The following FMR1 variants were observed in gnomAD, a reference collection of about 807,000 sequenced individuals.
The protein encoded by FMR1 is FMRP translational regulator 1.
FMR1 carries 13 observed loss-of-function variants against 50.6 expected under a neutral mutation model. That is an observed-to-expected ratio of 0.26 (90% CI 0.17 to 0.41). FMR1 has a LOEUF of 0.41. Among genes scored for constraint, FMR1 ranks in the 10% least tolerant of loss-of-function variants. The pLI is 1.00. For synonymous variants in FMR1, 138 were observed against 164.1 expected (o/e 0.84, Z 1.22); for missense variants, 316 against 491.3 (o/e 0.64, Z 3.37).
chrX:147,915,163 G>A (rs1285288488), intron 1 of FMR1, among the ~76,000 whole-genome samples: 3 of 111,686 alleles, frequency 2.7e-5, no homozygotes, highest in Admixed American at 9.4e-5. Context: ...TTCAGTGTTT[G>A]AGGACAGACT....
At chrX:147,936,358 C>T in intron 9 of FMR1, 146 bp from the exon 10 acceptor site, 1 of 449,861 alleles carries the variant, frequency 2.2e-6, no homozygotes. Context: ...AGAGTCTCTA[C>T]TTTGGTTTTG....
intron 16 of FMR1, among the ~76,000 whole-genome samples, chrX:147,948,037 C>T (rs1557182463): frequency 8.9e-6 from 1 of 112,004 alleles, no homozygotes; most frequent in Admixed American, 9.4e-5. Context: ...TTATTATATG[C>T]AGTTTTCTTT....
chrX:147,930,575 C>A (rs1312867665), intron 7 of FMR1, among the ~76,000 whole-genome samples: 3 of 111,430 alleles, frequency 2.7e-5, no homozygotes, highest in African/African-American at 6.5e-5. Flanking sequence ...AATATCTAAT[C>A]ATATTCCTCT....
chrX:147,914,004 G>T (rs1389470708), intron 1 of FMR1: 1 of 112,144 alleles, frequency 8.9e-6, no homozygotes, highest in African/African-American at 3.2e-5. Flanking sequence ...AGCACATTAT[G>T]GCCTTGAAGT....
At chrX:147,948,053 G>C (rs1462222678) in intron 16 of FMR1, among the ~76,000 whole-genome samples, 12 of 111,779 alleles carry the variant, frequency 1.1e-4, no homozygotes, top group Non-Finnish European at 2.3e-4. Flanking sequence ...TCTTTATACT[G>C]TTCCATTCTT....
chrX:147,945,846 A>G (rs1413037794), intron 16 of FMR1: 3 of 318,703 alleles, frequency 9.4e-6, no homozygotes, highest in Non-Finnish European at 1.6e-5. Flanking sequence ...GAAGACCTTG[A>G]CAGCCACACT....
chrX:147,922,517 T>C (rs1179870923), intron 2 of FMR1, among the ~76,000 whole-genome samples: 1 of 111,670 alleles, frequency 9.0e-6, no homozygotes, highest in Non-Finnish European at 1.9e-5. Context: ...AAAACAGTCA[T>C]AGGCCTAGGA....
At chrX:147,914,658 G>A (rs955050975) in intron 1 of FMR1, among the ~76,000 whole-genome samples, 1 of 111,800 alleles carries the variant, frequency 8.9e-6, no homozygotes, top group Non-Finnish European at 1.9e-5. Context: ...GTTAGATTTA[G>A]CGATCACCAG....
At chrX:147,930,465 TACTTTC>T (rs1396596088) in intron 7 of FMR1, among the ~76,000 whole-genome samples, 2 of 112,201 alleles carry the variant, frequency 1.8e-5, no homozygotes, top group East Asian at 5.6e-4. Flanking sequence ...GGACTTCTGG[TACTTTC>T]ACTTTTACTA....
At chrX:147,919,349 C>T (rs2043042489) in intron 1 of FMR1, among the ~76,000 whole-genome samples, 1 of 111,712 alleles carries the variant, frequency 9.0e-6, no homozygotes, top group South Asian at 3.8e-4. Flanking sequence ...GTGACCAGTT[C>T]CTGCAACCTA....
At chrX:147,914,574 A>G (rs782374015) in intron 1 of FMR1, 3 of 112,103 alleles carry the variant, frequency 2.7e-5, no homozygotes, top group Non-Finnish European at 5.6e-5. Context: ...TCAGACTTTG[A>G]TTTGCCTAAC....
chrX:147,940,918 CAGTTT>C (rs782592758), intron 13 of FMR1, among the ~76,000 whole-genome samples: 4 of 111,941 alleles, frequency 3.6e-5, no homozygotes, highest in Non-Finnish European at 7.5e-5. Context: ...CCCTTACACT[CAGTTT>C]AGGCAATCCT....
chrX:147,933,928 A>G (rs2043695320), intron 9 of FMR1, among the ~76,000 whole-genome samples: 1 of 112,306 alleles, frequency 8.9e-6, no homozygotes, highest in South Asian at 3.6e-4. Context: ...ATAAAGTGCA[A>G]ATAGTAGGAA....
intron 5 of FMR1, 36 bp downstream of exon 5, chrX:147,928,843 A>C: frequency 8.6e-7 from 1 of 1,165,698 alleles, no homozygotes; most frequent in Non-Finnish European, 1.2e-6. Context: ...AGAACTTGGA[A>C]GTGATATGCA....
rs1050800646 is a variant in FMR1 at position 147,924,339 on chromosome X, A to C, written c.105-1201A>C. On this transcript the variant is annotated intron_variant, in intron 2 of 16. Coordinates refer to ENST00000370475, the MANE Select transcript of FMR1 (RefSeq NM_002024.6). The stretch of plus-strand genomic sequence containing the variant: ...TTTACTAAGAAAGCTCTTTAGTAAA[A>C]CATCGACATTATACATACAACATAT... 5.4e-5 allele frequency among the ~76,000 whole-genome samples: 6 copies of C among 110,211 alleles called. No individual in the cohort carries two copies. In the Admixed American group the frequency reaches 5.9e-4, roughly 11 times the overall value.
At chrX:147,944,063 A>C in intron 14 of FMR1, 1 of 472,834 alleles carries the variant, frequency 2.1e-6, no homozygotes, top group Non-Finnish European at 2.6e-6. Context: ...ACAGAGGAAG[A>C]GAGAGGTAGT....
chrX:147,948,804 G>C lies in FMR1; in HGVS notation c.1859G>C (p.Ser620Thr). 8.3e-7 allele frequency: 1 copy of C among 1,211,439 alleles called. No homozygotes were observed. The highest frequency in any genetic ancestry group is 1.1e-6 in the Non-Finnish European group (1 of 895,242). The change falls in exon 17 of 17, where the codon AGC becomes ACC. Residue 620 changes from serine to threonine, a missense_variant. Ser to Thr is a moderately conservative substitution (Grantham distance 58). This residue lies in a region of FMR1 where 124 missense variants were observed against 160.8 expected (regional missense o/e 0.77). Transcript: ENST00000370475. ...AACCAGAAGAAAGAGAAGCCAGACA[G>C]CGTGGATGGTCAGCAACCACTCGTG... ...DRNQKKEKPDSVDGQQPLVNG... is the reference protein window; with the variant it reads ...DRNQKKEKPDTVDGQQPLVNG...
rs1464583389 is a variant in FMR1 at position 147,949,531 on chromosome X, T to G, written c.*687T>G. ...TATAGAAGAATGCATGCTTTCCATA[T>G]TTTTTTCCTTACATAAACATCAGGT... is the stretch of plus-strand genomic sequence containing the variant. On this transcript the variant is annotated 3_prime_UTR_variant, in exon 17 of 17. Coordinates refer to ENST00000370475, the MANE Select transcript of FMR1 (RefSeq NM_002024.6). 1 of 329,653 alleles carries G rather than the reference T, an allele frequency of 3.0e-6. No individual in the cohort carries two copies. The allele number at this position is 329,653 out of a possible 1,213,427, so 27.2% of individuals were successfully genotyped here. A position where few individuals can be genotyped will look rare whatever the true frequency, so the allele number is the denominator to read the frequency against.
chrX:147,929,229 A>G (rs2043501438), intron 5 of FMR1, among the ~76,000 whole-genome samples: 1 of 112,400 alleles, frequency 8.9e-6, no homozygotes, highest in African/African-American at 3.2e-5. Context: ...GAAGCTTTAA[A>G]AAGTCATCTC....
Sources: allele counts gnomAD v4.1 joint callset (sites outside exome capture counted in the v4.1 genomes callset), GRCh38; gene constraint gnomAD v4.1.1; regional missense constraint gnomAD v4.1.1; transcripts MANE v1.5; gene names NCBI Gene and HGNC (gene_info 2026-07-23, HGNC 2026-07-21).